FGF14: variants seen among roughly 807,000 people sequenced by gnomAD.
The protein encoded by FGF14 is fibroblast growth factor homologous factor 4.
Under a neutral mutation model 25.5 loss-of-function variants are expected in FGF14, and 5 were observed. The observed-to-expected ratio is 0.20, with a 90% CI of 0.10 to 0.41. The LOEUF is 0.41. FGF14 is among the 10% of genes least tolerant of loss of function. FGF14 has a pLI of 1.00. For synonymous variants in FGF14, 138 were observed against 118.3 expected (o/e 1.17, Z -1.08); for missense variants, 222 against 320.1 (o/e 0.69, Z 2.34).
chr13:102,192,844 A>C (rs1356134212), intron 1 of FGF14, among the ~76,000 whole-genome samples: 1 of 152,112 alleles, frequency 6.6e-6, no homozygotes, highest in East Asian at 1.9e-4. Flanking sequence ...ATTGATATCA[A>C]CATTCTCTTC....
intron 1 of FGF14, among the ~76,000 whole-genome samples, chr13:102,384,712 C>T (rs572261096): frequency 4.9e-4 from 74 of 152,246 alleles, no homozygotes; most frequent in African/African-American, 1.7e-3. Flanking sequence ...CAGATACATG[C>T]CACAGTCTAC....
Position 102,267,908 on chromosome 13 carries a change from A to G in FGF14, c.208+133563T>C, listed in dbSNP as rs192307455. Among the ~76,000 whole-genome samples, 10 of 152,250 alleles carry G rather than the reference A, an allele frequency of 6.6e-5. No individual in the cohort carries two copies. In the East Asian group the frequency reaches 1.7e-3, roughly 26 times the overall value. ...CTAAGGATATTGAGAAAACTACTAA[A>G]AGAAGCTGGTTAGGTGAGCTGATGT... On this transcript the variant is annotated intron_variant, in intron 1 of 4. Coordinates refer to the FGF14 transcript ENST00000376131.
intron 3 of FGF14, 42 bp downstream of exon 3, chr13:101,868,683 A>T: frequency 1.7e-6 from 2 of 1,159,916 alleles, no homozygotes; most frequent in Non-Finnish European, 2.6e-6. Flanking sequence ...GTTATTTTAC[A>T]TGCATTGAAC....
In FGF14 at chr13:101,933,879, T is replaced by G. The variant is rs560918998; in HGVS notation, c.209-58583A>C. Among the ~76,000 whole-genome samples, 5 of 152,318 alleles carry G rather than the reference T, an allele frequency of 3.3e-5. No homozygotes were observed. The East Asian group carries it at 9.6e-4, about 29-fold the overall frequency. ...ATATGTATATATATTTGACAAATAA[T>G]ACTTTATATATGTGTGACTGTGTAT... On this transcript the variant is annotated intron_variant, in intron 1 of 4. Coordinates refer to the FGF14 transcript ENST00000376131.
intron 1 of FGF14, among the ~76,000 whole-genome samples, chr13:102,049,067 A>C (rs558528958): frequency 3.8e-4 from 57 of 151,408 alleles, no homozygotes; most frequent in African/African-American, 1.4e-3. Context: ...CTGAGAAAAC[A>C]ATGTAAAAAA....
At chr13:101,853,734 G>A (rs2043978392) in intron 3 of FGF14, among the ~76,000 whole-genome samples, 1 of 151,986 alleles carries the variant, frequency 6.6e-6, no homozygotes, top group Non-Finnish European at 1.5e-5. Flanking sequence ...GGGATTACAG[G>A]TGTGAGCCAC....
intron 1 of FGF14, among the ~76,000 whole-genome samples, chr13:102,058,705 C>G (rs773025825): frequency 6.6e-5 from 10 of 152,048 alleles, no homozygotes; most frequent in Non-Finnish European, 1.5e-4. Flanking sequence ...TTGTAATTTT[C>G]TCTTCAGTTA....
chr13:102,287,884 A>T (rs77391550), intron 1 of FGF14, among the ~76,000 whole-genome samples: 1 of 152,308 alleles, frequency 6.6e-6, no homozygotes, highest in Non-Finnish European at 1.5e-5. Flanking sequence ...TATTCCAAAC[A>T]TCAGATGCAG....
At chr13:101,952,724 C>A (rs1256172822) in intron 1 of FGF14, among the ~76,000 whole-genome samples, 1 of 152,080 alleles carries the variant, frequency 6.6e-6, no homozygotes, top group Non-Finnish European at 1.5e-5. Flanking sequence ...AATGGATCAA[C>A]ATAAAAGTTA....
At chr13:102,115,083 C>A (rs2045406208) in intron 1 of FGF14, among the ~76,000 whole-genome samples, 1 of 152,042 alleles carries the variant, frequency 6.6e-6, no homozygotes, top group East Asian at 1.9e-4. Flanking sequence ...AGTGGAGAAC[C>A]CCTGCCCACC....
At chr13:102,110,124 T>G (rs2045145311) in intron 1 of FGF14, among the ~76,000 whole-genome samples, 1 of 152,238 alleles carries the variant, frequency 6.6e-6, no homozygotes, top group Non-Finnish European at 1.5e-5. Flanking sequence ...CTTGCTAAGA[T>G]AAAGATATTT....
At chr13:101,792,202 T>C (rs2040275325) in intron 3 of FGF14, among the ~76,000 whole-genome samples, 1 of 152,088 alleles carries the variant, frequency 6.6e-6, no homozygotes, top group African/African-American at 2.4e-5. Flanking sequence ...GTATAAAGAT[T>C]AACAACTACA....
chr13:101,739,931 C>G (rs2036432261), intron 3 of FGF14, among the ~76,000 whole-genome samples: 1 of 152,176 alleles, frequency 6.6e-6, no homozygotes, highest in African/African-American at 2.4e-5. Context: ...GGCCTAAACT[C>G]AGTAGTTAAA....
chr13:101,783,788 T>G (rs1220401385), intron 3 of FGF14, among the ~76,000 whole-genome samples: 1 of 152,224 alleles, frequency 6.6e-6, no homozygotes, highest in Non-Finnish European at 1.5e-5. Flanking sequence ...CTAGGTTGTC[T>G]TCTTTGGTTT....
chr13:101,767,858 CT>C (rs2038506455), intron 3 of FGF14, among the ~76,000 whole-genome samples: 1 of 152,086 alleles, frequency 6.6e-6, no homozygotes, highest in Non-Finnish European at 1.5e-5. Context: ...GAAACAATTA[CT>C]TTTTTAAAAA....
At chr13:101,935,038 A>T (rs535511843) in intron 1 of FGF14, among the ~76,000 whole-genome samples, 8 of 152,250 alleles carry the variant, frequency 5.3e-5, no homozygotes, top group Non-Finnish European at 1.0e-4. Context: ...GCTCACTGAG[A>T]TACAAAAGGA....
At chr13:102,174,978 C>T (rs1217006205) in intron 1 of FGF14, among the ~76,000 whole-genome samples, 1 of 151,944 alleles carries the variant, frequency 6.6e-6, no homozygotes, top group African/African-American at 2.4e-5. Flanking sequence ...GAGAAACATT[C>T]CAAGCTCATA....
At chr13:102,292,901 T>C (rs943998228) in intron 1 of FGF14, 8 of 152,218 alleles carry the variant, frequency 5.3e-5, no homozygotes, top group African/African-American at 1.9e-4. Context: ...TCACAGCACT[T>C]TGTGCAGGAA....
At chr13:101,755,469 C>T (rs1024720059) in intron 3 of FGF14, among the ~76,000 whole-genome samples, 1 of 151,910 alleles carries the variant, frequency 6.6e-6, no homozygotes, top group African/African-American at 2.4e-5. Flanking sequence ...CCGCTGCACT[C>T]CAGGTGACAG....
Sources: allele counts gnomAD v4.1 joint callset (sites outside exome capture counted in the v4.1 genomes callset), GRCh38; gene constraint gnomAD v4.1.1; transcripts MANE v1.5; gene names NCBI Gene and HGNC (gene_info 2026-07-23, HGNC 2026-07-21).